CDH7: variants seen among roughly 807,000 people sequenced by gnomAD.
CDH7 encodes the protein cadherin 7.
CDH7 carries 25 observed loss-of-function variants against 71.8 expected under a neutral mutation model. The ratio of observed to expected loss-of-function variants is 0.35; its 90% CI spans 0.25 to 0.49. The LOEUF (loss-of-function observed/expected upper bound fraction) is 0.49, where lower values mean the gene tolerates loss of function less well. Among genes scored for constraint, CDH7 ranks in the 20% least tolerant of loss-of-function variants. CDH7 has a pLI of 0.99. For missense variants in CDH7, 862 were observed against 974.6 expected, an observed-to-expected ratio of 0.88 and a Z score of 1.54; for synonymous variants, 381 against 363.8, an observed-to-expected ratio of 1.05 and a Z score of -0.54.
At chr18:65,811,597 C>A (rs964113484) in intron 3 of CDH7, among the ~76,000 whole-genome samples, 3 of 152,138 alleles carry the variant, frequency 2.0e-5, no homozygotes, top group African/African-American at 7.2e-5. Flanking sequence ...GCAACAGTAA[C>A]TGTTACAAGA....
chr18:65,832,957 A>G (rs536074926), intron 6 of CDH7, among the ~76,000 whole-genome samples: 32 of 152,290 alleles, frequency 2.1e-4, no homozygotes, highest in Admixed American at 5.9e-4. Context: ...TTCAAAATTA[A>G]TTCCCTATGA....
At chr18:65,836,875 C>T (rs7233947) in intron 6 of CDH7, among the ~76,000 whole-genome samples, 118,538 of 151,984 alleles carry the variant, frequency 0.78, 46,348 homozygotes, top group East Asian at 0.96. Flanking sequence ...ATATCTATTG[C>T]AGATTTGTAA....
chr18:65,777,572 T>C (rs1048562483), intron 2 of CDH7, among the ~76,000 whole-genome samples: 1 of 152,042 alleles, frequency 6.6e-6, no homozygotes, highest in African/African-American at 2.4e-5. Context: ...TGTATTTGCA[T>C]GACAAATTCA....
At chr18:65,798,361 C>T (rs1910992816) in intron 2 of CDH7, among the ~76,000 whole-genome samples, 1 of 152,212 alleles carries the variant, frequency 6.6e-6, no homozygotes, top group Admixed American at 6.5e-5. Flanking sequence ...GTACACATCT[C>T]TCAACAAATG....
chr18:65,778,770 C>A (rs2143823477), intron 2 of CDH7, among the ~76,000 whole-genome samples: 1 of 151,072 alleles, frequency 6.6e-6, no homozygotes, highest in African/African-American at 2.4e-5. Context: ...AGCTGTCAGG[C>A]ATAATTGAAT....
chr18:65,787,086 C>A (rs1910542469), intron 2 of CDH7, among the ~76,000 whole-genome samples: 1 of 152,086 alleles, frequency 6.6e-6, no homozygotes, highest in Admixed American at 6.6e-5. Context: ...GATTCAAGAT[C>A]ATTATCATTA....
chr18:65,840,748 C>G (rs1313778907), intron 6 of CDH7, among the ~76,000 whole-genome samples: 1 of 152,134 alleles, frequency 6.6e-6, no homozygotes, highest in African/African-American at 2.4e-5. Context: ...CATTAAACCT[C>G]TTTCTTTTGT....
At position 65,885,642 on chromosome 18, in the gene CDH7, AGGCGTGAGCCACC is replaced by A. The variant is rs1267423618; in HGVS notation, c.*4750_*4762del. 6.6e-6 allele frequency: 1 copy of A among 152,122 alleles called. No individual in the cohort carries two copies. Among genetic ancestry groups the A allele is most frequent in the Non-Finnish European group, 1.5e-5 (1 of 68,170 alleles). 9.4% of individuals were successfully genotyped at this position (152,122 alleles called of 1,614,324 possible). On this transcript the variant is annotated 3_prime_UTR_variant, in exon 12 of 12. Coordinates refer to ENST00000397968, the MANE Select transcript of CDH7 (RefSeq NM_004361.5). ...CGGCCTCCCAAAGTGCTGGGATTAC[AGGCGTGAGCCACC>A]GCGCCCGGCCCTGTGTGTGCGTTTT... is the stretch of plus-strand genomic sequence containing the variant.
rs1914446029 is a variant in CDH7 at position 65,889,137 on chromosome 18, A to G, written c.*8243A>G. On this transcript the variant is annotated 3_prime_UTR_variant, in exon 12 of 12. Transcript: ENST00000397968. ...AGGTGGGACATTGTTGTGAGAATGGACGAGAGCACAAAAACACGGCAGACC... is the reference window on the plus strand; with the variant it reads ...AGGTGGGACATTGTTGTGAGAATGGGCGAGAGCACAAAAACACGGCAGACC... 6.6e-6 allele frequency: 1 copy of G among 152,186 alleles called. No homozygotes were observed. Among genetic ancestry groups the G allele is most frequent in the South Asian group, 2.1e-4 (1 of 4,828 alleles). The allele number at this position is 152,186 out of a possible 1,614,324, so 9.4% of individuals were successfully genotyped here. A position where few individuals can be genotyped will look rare whatever the true frequency, so the allele number is the denominator to read the frequency against.
rs1399822531 is a variant in CDH7, at chr18:65,814,589, G to A, written c.610G>A (p.Val204Met). 2 of 1,612,310 alleles carry A rather than the reference G, an allele frequency of 1.2e-6. No homozygotes were observed. Among genetic ancestry groups the A allele is most frequent in the South Asian group, 1.1e-5 (1 of 90,728 alleles). The change falls in exon 4 of 12, where the codon GTG becomes ATG. Residue 204 changes from valine to methionine, a missense_variant. Coordinates refer to ENST00000397968, the MANE Select transcript of CDH7 (RefSeq NM_004361.5). Reference protein sequence around the residue: ...SILQGQPYFSVEPKTGVIKTA... With the variant: ...SILQGQPYFSMEPKTGVIKTA... The stretch of plus-strand genomic sequence containing the variant: ...TCTGCAAGGACAGCCGTACTTCTCA[G>A]TGGAGCCAAAGACAGGTAAAAATTG...
At chr18:65,810,089 A>G (rs1413377650) in intron 3 of CDH7, 91 bp downstream of exon 3, 1 of 1,144,114 alleles carries the variant, frequency 8.7e-7, no homozygotes, top group African/African-American at 1.6e-5. Flanking sequence ...CTGAAAAAAA[A>G]AAAAACCTTA....
chr18:65,791,477 T>C (rs1189378059), intron 2 of CDH7, among the ~76,000 whole-genome samples: 1 of 152,164 alleles, frequency 6.6e-6, no homozygotes, highest in Non-Finnish European at 1.5e-5. Flanking sequence ...TATCACTAGT[T>C]CATTTGTACA....
chr18:65,752,806 A>G (rs1174546442), intron 1 of CDH7, among the ~76,000 whole-genome samples: 1 of 152,116 alleles, frequency 6.6e-6, no homozygotes, highest in Non-Finnish European at 1.5e-5. Flanking sequence ...AGAAAACAAT[A>G]ATCAGTAGCA....
chr18:65,827,640 A>G (rs1480768607), intron 6 of CDH7, among the ~76,000 whole-genome samples: 1 of 151,926 alleles, frequency 6.6e-6, no homozygotes, highest in African/African-American at 2.4e-5. Context: ...GGATTGCGCA[A>G]ACTTGCTTTC....
chr18:65,859,886 T>C (rs954511993), intron 10 of CDH7, 61 bp downstream of exon 10: 1 of 1,009,540 alleles, frequency 9.9e-7, no homozygotes, highest in Non-Finnish European at 1.6e-6. Flanking sequence ...AGCAAGTATT[T>C]TTCTCCCCAG....
chr18:65,881,039 T>A lies in CDH7; in HGVS notation c.*145T>A. 3.6e-6 allele frequency: 3 copies of A among 841,248 alleles called. No individual in the cohort carries two copies. In the Admixed American group the frequency reaches 9.8e-5, roughly 28 times the overall value. 52.1% of individuals were successfully genotyped at this position (841,248 alleles called of 1,614,324 possible). A position where few individuals can be genotyped will look rare whatever the true frequency, so the allele number is the denominator to read the frequency against. On this transcript the variant is annotated 3_prime_UTR_variant, in exon 12 of 12. Coordinates refer to ENST00000397968, the MANE Select transcript of CDH7 (RefSeq NM_004361.5). ...ATGGTTGTAAATATTTCTCCATTTT[T>A]AATTGTTTAGATTTCTGCCTTGGTG... is the stretch of plus-strand genomic sequence containing the variant.
Position 65,861,325 on chromosome 18 carries a change from G to A in CDH7, c.1613-1341G>A, listed in dbSNP as rs568469456. 2.9e-3 allele frequency among the ~76,000 whole-genome samples: 42 copies of A among 14,624 alleles called. No individual in the cohort carries two copies. In the East Asian group the frequency reaches 0.082, roughly 28 times the overall value. The allele number at this position is 14,624 out of a possible 152,430, so 9.6% of individuals were successfully genotyped here. A position where few individuals can be genotyped will look rare whatever the true frequency, so the allele number is the denominator to read the frequency against. Reference sequence around the variant, plus strand: ...TTCAGCTTGTGTTCCTCAATTCACCGTGTGTGTGTGTGTTTGTGTGTGTGT... The same window carrying A: ...TTCAGCTTGTGTTCCTCAATTCACCATGTGTGTGTGTGTTTGTGTGTGTGT... On this transcript the variant is annotated intron_variant, in intron 10 of 11. Transcript: ENST00000397968.
At position 65,809,787 on chromosome 18, in the gene CDH7, T is replaced by G. The variant is rs1310217281; in HGVS notation, c.294T>G (p.Asp98Glu). ...GEGASSIFII[D>E]ENTGDIHATK... The stretch of plus-strand genomic sequence containing the variant: ...GGGCAAGTTCCATTTTCATTATTGA[T>G]GAGAACACTGGGGATATTCATGCCA... The change falls in exon 3 of 12, where the codon GAT becomes GAG. Residue 98 changes from aspartate to glutamate, a missense_variant. Physicochemically the swap from Asp to Glu is conservative, Grantham distance 45. Transcript: ENST00000397968. 3 of 1,614,044 alleles carry G rather than the reference T, an allele frequency of 1.9e-6. No homozygotes were observed. The highest frequency in any genetic ancestry group is 1.7e-4 in the Middle Eastern group (1 of 6,060).
chr18:65,776,361 AACACACAC>A lies in CDH7; in HGVS notation c.210+13343_210+13350del, dbSNP rs66695422. Among the ~76,000 whole-genome samples the A allele has an allele frequency of 3.0e-3, 414 of 139,704 alleles. 1 individual carries two copies. Among genetic ancestry groups the A allele is most frequent in the South Asian group, 4.3e-3 (18 of 4,232 alleles). The allele number at this position is 139,704 out of a possible 152,430, so 91.7% of individuals were successfully genotyped here. A position where few individuals can be genotyped will look rare whatever the true frequency, so the allele number is the denominator to read the frequency against. ...AATCACACATTTGAAGAAAGTACAG[AACACACAC>A]ACACACACACACACACACACACACA... On this transcript the variant is annotated intron_variant, in intron 2 of 11. Coordinates refer to ENST00000397968, the MANE Select transcript of CDH7 (RefSeq NM_004361.5).
Sources: allele counts gnomAD v4.1 joint callset (sites outside exome capture counted in the v4.1 genomes callset), GRCh38; gene constraint gnomAD v4.1.1; transcripts MANE v1.5; gene names NCBI Gene and HGNC (gene_info 2026-07-23, HGNC 2026-07-21).